COPG2: variants seen among roughly 807,000 people sequenced by gnomAD.
The protein encoded by COPG2 is coat protein complex I subunit gamma 2, also known as coatomer subunit gamma-2.
Under a neutral mutation model 46.3 loss-of-function variants are expected in COPG2, and 37 were observed. The ratio of observed to expected loss-of-function variants is 0.80; its 90% confidence interval spans 0.61 to 1.05. The LOEUF (loss-of-function observed/expected upper bound fraction) is 1.05, where lower values mean the gene tolerates loss of function less well. Among genes scored for constraint, COPG2 ranks in the 50% least tolerant of loss-of-function variants. COPG2 has a pLI of 0.00. For missense variants in COPG2, 427 were observed against 387.8 expected, an observed-to-expected ratio of 1.10 and a Z score of -0.85; for synonymous variants, 159 against 129.7, an observed-to-expected ratio of 1.23 and a Z score of -1.53.
At chr7:130,513,302 AAAAAAAATATATATATATATAT>A (rs1283006651) in intron 20 of COPG2, among the ~76,000 whole-genome samples, 6 of 38,276 alleles carry the variant, frequency 1.6e-4, no homozygotes, top group African/African-American at 6.2e-4. Flanking sequence ...AAAAAAAAAA[AAAAAAAATATATATATATATAT>A]ATATATATAT....
At chr7:130,563,796 C>CT (rs1793758170) in intron 10 of COPG2, among the ~76,000 whole-genome samples, 2 of 135,450 alleles carry the variant, frequency 1.5e-5, no homozygotes, top group African/African-American at 5.5e-5. Context: ...AGAAAAAGCA[C>CT]TTTTGGTCAG....
chr7:130,535,355 A>C (rs1290317067), intron 20 of COPG2, among the ~76,000 whole-genome samples: 4 of 151,786 alleles, frequency 2.6e-5, no homozygotes, highest in African/African-American at 9.7e-5. Context: ...CCTCCAGGGA[A>C]GGATGGAGGG....
chr7:130,510,286 A>C lies in COPG2; in HGVS notation c.2150-1627T>G, dbSNP rs58892957. On this transcript the variant is annotated intron_variant, in intron 20 of 23. Coordinates refer to ENST00000425248, the MANE Select transcript of COPG2 (RefSeq NM_012133.6). ...ATGAACCTATCAAGCCTGCAGAATC[A>C]ATTTCAATGCCATTAGGGGTTGAGA... is the stretch of plus-strand genomic sequence containing the variant. 2,359 of 513,702 alleles carry C rather than the reference A, an allele frequency of 4.6e-3. 42 individuals are homozygous for C. The highest frequency in any genetic ancestry group is 0.042 in the African/African-American group (2,151 of 51,654). 31.8% of individuals were successfully genotyped at this position (513,702 alleles called of 1,614,324 possible). A position where few individuals can be genotyped will look rare whatever the true frequency, so the allele number is the denominator to read the frequency against.
At chr7:130,558,675 C>G (rs1793668778) in intron 12 of COPG2, among the ~76,000 whole-genome samples, 1 of 152,114 alleles carries the variant, frequency 6.6e-6, no homozygotes, top group African/African-American at 2.4e-5. Context: ...TGTGCACCAC[C>G]ATGTCTGACT....
At chr7:130,540,698 T>C (rs1799926968) in intron 20 of COPG2, among the ~76,000 whole-genome samples, 1 of 152,068 alleles carries the variant, frequency 6.6e-6, no homozygotes, top group South Asian at 2.1e-4. Flanking sequence ...TGGCAAGTAC[T>C]AGAATGCCAC....
chr7:130,626,044 T>C (rs1003516556), intron 5 of COPG2, among the ~76,000 whole-genome samples: 1 of 152,212 alleles, frequency 6.6e-6, no homozygotes, highest in Non-Finnish European at 1.5e-5. Context: ...ATAGAATGCA[T>C]AGTTATCACA....
intron 9 of COPG2, among the ~76,000 whole-genome samples, chr7:130,572,262 A>T (rs1175400001): frequency 6.6e-6 from 1 of 152,172 alleles, no homozygotes; most frequent in Non-Finnish European, 1.5e-5. Flanking sequence ...ATAAAAATAA[A>T]AATAATAGTT....
At chr7:130,649,969 T>G (rs13237881) in intron 5 of COPG2, among the ~76,000 whole-genome samples, 139,690 of 152,208 alleles carry the variant, frequency 0.92, 64,257 homozygotes, top group Middle Eastern at 0.96. Context: ...GTCCAACACT[T>G]GTCTCACTGG....
chr7:130,647,589 G>T (rs1486829074), intron 5 of COPG2, among the ~76,000 whole-genome samples: 2 of 151,948 alleles, frequency 1.3e-5, no homozygotes, highest in South Asian at 2.1e-4. Flanking sequence ...TACGGTGGTT[G>T]TATCATTCTA....
At position 130,666,928 on chromosome 7, in the gene COPG2, G is replaced by A. The variant is rs1554461535; in HGVS notation, c.92C>T (p.Ala31Val). 1.3e-6 allele frequency: 2 copies of A among 1,526,094 alleles called. No individual in the cohort carries two copies. The highest frequency in any genetic ancestry group is 1.4e-5 in the African/African-American group (1 of 71,840). 94.5% of individuals were successfully genotyped at this position (1,526,094 alleles called of 1,614,324 possible). A position where few individuals can be genotyped will look rare whatever the true frequency, so the allele number is the denominator to read the frequency against. The change falls in exon 3 of 24, where the codon GCT becomes GTT. Residue 31 changes from alanine to valine, a missense_variant and splice_region_variant. Transcript: ENST00000425248. ...GATTGGAGTTTCATTGAATATACGA[G>A]CCTATGAAAAAACATAAAAAACATT... ...HLEKSAVLQEARIFNETPINP... is the reference protein window; with the variant it reads ...HLEKSAVLQEVRIFNETPINP...
At chr7:130,652,339 C>T (rs1342542414) in intron 5 of COPG2, among the ~76,000 whole-genome samples, 1 of 152,188 alleles carries the variant, frequency 6.6e-6, no homozygotes, top group African/African-American at 2.4e-5. Context: ...CTCCTTTGTA[C>T]AAGAGTATGT....
chr7:130,598,548 C>A (rs1379836987), intron 9 of COPG2, among the ~76,000 whole-genome samples: 1 of 152,164 alleles, frequency 6.6e-6, no homozygotes, highest in Non-Finnish European at 1.5e-5. Flanking sequence ...AGGAGGCTAT[C>A]TTAAAGACGA....
intron 13 of COPG2, 141 bp downstream of exon 13, chr7:130,554,896 A>T (rs1793595592): frequency 2.5e-6 from 1 of 397,580 alleles, no homozygotes; most frequent in African/African-American, 2.1e-5. Flanking sequence ...CATGTTTAGT[A>T]ATAAGACAGT....
chr7:130,548,357 AC>A (rs1793478357), intron 19 of COPG2, 45 bp downstream of exon 19: 1 of 398,394 alleles, frequency 2.5e-6, no homozygotes. Context: ...CTCAAAGCAT[AC>A]CAGTTTATAC....
chr7:130,650,850 C>T (rs782663285), intron 5 of COPG2, among the ~76,000 whole-genome samples: 11 of 152,158 alleles, frequency 7.2e-5, no homozygotes, highest in Non-Finnish European at 1.5e-4. Flanking sequence ...ATCTATTTTG[C>T]AACAATGGAG....
At chr7:130,516,628 T>C (rs1318176669) in intron 20 of COPG2, among the ~76,000 whole-genome samples, 1 of 151,988 alleles carries the variant, frequency 6.6e-6, no homozygotes, top group Admixed American at 6.6e-5. Flanking sequence ...GAACATGCAG[T>C]GCAGAAAAAC....
intron 9 of COPG2, among the ~76,000 whole-genome samples, chr7:130,574,864 C>A (rs189848747): frequency 7.9e-5 from 12 of 152,138 alleles, no homozygotes; most frequent in African/African-American, 2.2e-4. Flanking sequence ...AAAAAACAAT[C>A]AAAAATTCAG....
At chr7:130,657,971 A>G (rs909589363) in intron 4 of COPG2, among the ~76,000 whole-genome samples, 2 of 152,238 alleles carry the variant, frequency 1.3e-5, no homozygotes, top group African/African-American at 4.8e-5. Context: ...TATTTTAGAA[A>G]AATGGGTTGG....
intron 9 of COPG2, among the ~76,000 whole-genome samples, chr7:130,594,771 G>T (rs1794495166): frequency 6.6e-6 from 1 of 152,146 alleles, no homozygotes; most frequent in African/African-American, 2.4e-5. Context: ...CAACATCACT[G>T]ATCACTAGGG....
Sources: gnomAD v4.1 joint callset for allele counts (sites outside exome capture counted in the v4.1 genomes callset) on GRCh38, gnomAD v4.1.1 for gene constraint, MANE v1.5 for transcripts, NCBI Gene and HGNC (gene_info 2026-07-23, HGNC 2026-07-21) for gene names.